PHF21B: variants seen among roughly 807,000 people sequenced by gnomAD.
The protein encoded by PHF21B is PHD finger protein 21B.
Under a neutral mutation model 62.2 loss-of-function variants are expected in PHF21B, and 22 were observed. The observed-to-expected ratio is 0.35, with a 90% CI of 0.25 to 0.51. The LOEUF is 0.51. Among genes scored for constraint, PHF21B ranks in the 20% least tolerant of loss-of-function variants. PHF21B has a pLI of 0.97. For synonymous variants in PHF21B, 341 were observed against 314.7 expected, an observed-to-expected ratio of 1.08 and a Z score of -0.88; for missense variants, 701 against 707.9, an observed-to-expected ratio of 0.99 and a Z score of 0.11.
chr22:44,961,756 G>A (rs1275888466), intron 2 of PHF21B, among the ~76,000 whole-genome samples: 2 of 151,872 alleles, frequency 1.3e-5, no homozygotes, highest in South Asian at 2.1e-4. Flanking sequence ...CAGGAAAATC[G>A]CTTGAACCAG....
At chr22:44,974,668 T>A (rs1009747114) in intron 2 of PHF21B, among the ~76,000 whole-genome samples, 2 of 152,136 alleles carry the variant, frequency 1.3e-5, no homozygotes, top group African/African-American at 4.8e-5. Context: ...CTATACAGTG[T>A]GTGTCCAATC....
At chr22:44,897,379 T>A (rs2071079912) in intron 5 of PHF21B, among the ~76,000 whole-genome samples, 1 of 152,026 alleles carries the variant, frequency 6.6e-6, no homozygotes, top group Non-Finnish European at 1.5e-5. Flanking sequence ...TTAGGTAACA[T>A]CACAGAGCGA....
chr22:44,932,719 G>A (rs533056505), intron 2 of PHF21B, among the ~76,000 whole-genome samples: 14 of 152,370 alleles, frequency 9.2e-5, no homozygotes, highest in Middle Eastern at 3.4e-3. Flanking sequence ...ACGGAATGCC[G>A]ATGACGGCCC....
In PHF21B at chr22:44,982,057, C is replaced by T. The variant is rs941355136; in HGVS notation, c.120+26488G>A. 3.9e-5 allele frequency among the ~76,000 whole-genome samples: 6 copies of T among 152,192 alleles called. No individual in the cohort carries two copies. The East Asian group carries it at 5.8e-4, about 15-fold the overall frequency. On this transcript the variant is annotated intron_variant, in intron 2 of 12. Transcript: ENST00000313237. ...CCATCACCCACCAGCCCCGAGGGAA[C>T]GGGGGTGTGGCGGTGGAAACAGCGC...
chr22:44,929,132 G>A (rs2071691516), intron 2 of PHF21B, among the ~76,000 whole-genome samples: 1 of 152,244 alleles, frequency 6.6e-6, no homozygotes, highest in African/African-American at 2.4e-5. Context: ...GCTGTGATGT[G>A]TGGCAAAGAT....
intron 2 of PHF21B, among the ~76,000 whole-genome samples, chr22:44,962,964 C>G (rs1415800504): frequency 6.6e-6 from 1 of 152,244 alleles, no homozygotes; most frequent in East Asian, 1.9e-4. Context: ...CTCGTTCTAC[C>G]TTTGCATTAC....
chr22:44,960,415 C>A (rs540967364), intron 2 of PHF21B, among the ~76,000 whole-genome samples: 1 of 152,184 alleles, frequency 6.6e-6, no homozygotes. Context: ...TGTCCCTCAA[C>A]GACTATGGTC....
At chr22:44,986,881 G>T (rs367602385) in intron 2 of PHF21B, among the ~76,000 whole-genome samples, 1 of 151,344 alleles carries the variant, frequency 6.6e-6, no homozygotes, top group Admixed American at 6.6e-5. Flanking sequence ...GCAGGTACAG[G>T]TGGGGTCCTG....
rs1473369328 is a variant in PHF21B at position 44,920,369 on chromosome 22, ACCCCAGGGCCCG to A, written c.213+17_213+28del. 2 of 1,553,984 alleles carry A rather than the reference ACCCCAGGGCCCG, an allele frequency of 1.3e-6. No individual in the cohort carries two copies. Among genetic ancestry groups the A allele is most frequent in the Non-Finnish European group, 1.8e-6 (2 of 1,140,110 alleles). On this transcript the variant is annotated intron_variant, in intron 3 of 12. Transcript: ENST00000313237. ...AGACTGCGGGGACAGACAGACGGACACCCCAGGGCCCGCCCGAGGGCTGCTTACCTGAGGTAG... is the reference window on the plus strand; with the variant it reads ...AGACTGCGGGGACAGACAGACGGACACCCGAGGGCTGCTTACCTGAGGTAG...
At chr22:44,909,038 C>G (rs5766180) in intron 5 of PHF21B, among the ~76,000 whole-genome samples, 2 of 151,780 alleles carry the variant, frequency 1.3e-5, no homozygotes, top group Non-Finnish European at 1.5e-5. Context: ...CCTCAGATGA[C>G]CCGCCCACCT....
chr22:44,954,323 A>T (rs1242818492), intron 2 of PHF21B, among the ~76,000 whole-genome samples: 1 of 152,232 alleles, frequency 6.6e-6, no homozygotes, highest in African/African-American at 2.4e-5. Context: ...CCAGCGCAGG[A>T]CACGCAGGCT....
At chr22:45,008,228 G>C (rs1041258299) in intron 2 of PHF21B, 8 of 235,214 alleles carry the variant, frequency 3.4e-5, no homozygotes, top group African/African-American at 1.8e-4. Context: ...AGCGCAAAGC[G>C]GGGGACTCCG....
At chr22:44,915,885 G>A (rs1055799076) in intron 4 of PHF21B, among the ~76,000 whole-genome samples, 20 of 152,184 alleles carry the variant, frequency 1.3e-4, no homozygotes, top group Non-Finnish European at 1.6e-4. Flanking sequence ...GCCCTTGACC[G>A]TCCAACTCCA....
rs1223826047 is a variant in PHF21B, at chr22:45,009,201, C to A, written c.54+295G>T. ...TCCCCGGGACCGGCTCACGAAGGGG[C>A]CCCCTCCAGGCACCCTCCCAGTCAT... On this transcript the variant is annotated intron_variant, in intron 1 of 12. Transcript: ENST00000313237. The surrounding 1 kb of genome is among the most constrained non-coding windows in gnomAD (Gnocchi z 5.9). 4.8e-6 allele frequency: 2 copies of A among 418,012 alleles called. No individual in the cohort carries two copies. Among genetic ancestry groups the A allele is most frequent in the African/African-American group, 2.1e-5 (1 of 48,084 alleles). The allele number at this position is 418,012 out of a possible 1,614,324, so 25.9% of individuals were successfully genotyped here.
rs142573733 is a variant in PHF21B at position 44,885,358 on chromosome 22, A to C, written c.1377+68T>G. The C allele has an allele frequency of 6.3e-6, 9 of 1,423,716 alleles. No homozygotes were observed. In the East Asian group the frequency reaches 1.8e-4, roughly 28 times the overall value. The allele number at this position is 1,423,716 out of a possible 1,614,324, so 88.2% of individuals were successfully genotyped here. A position where few individuals can be genotyped will look rare whatever the true frequency, so the allele number is the denominator to read the frequency against. On this transcript the variant is annotated intron_variant, in intron 12 of 12. Coordinates refer to ENST00000313237, the MANE Select transcript of PHF21B (RefSeq NM_138415.5). ...CACCTGTGGTTCTAAGGACACATCT[A>C]TCTGTCCCCTAGACCCGGGGCACAC... is the stretch of plus-strand genomic sequence containing the variant.
intron 2 of PHF21B, among the ~76,000 whole-genome samples, chr22:44,922,574 G>C (rs778665683): frequency 6.6e-6 from 1 of 151,856 alleles, no homozygotes; most frequent in African/African-American, 2.4e-5. Flanking sequence ...GGAGGTTGCA[G>C]TGAGCCGAGA....
At chr22:44,960,082 T>C (rs1388569236) in intron 2 of PHF21B, among the ~76,000 whole-genome samples, 1 of 152,160 alleles carries the variant, frequency 6.6e-6, no homozygotes, top group African/African-American at 2.4e-5. Context: ...CATTCCTCAC[T>C]GCACACGAAA....
Position 44,888,686 on chromosome 22 carries a change from G to A in PHF21B, c.1039-565C>T, listed in dbSNP as rs184828067. On this transcript the variant is annotated intron_variant, in intron 9 of 12. Coordinates refer to ENST00000313237, the MANE Select transcript of PHF21B (RefSeq NM_138415.5). ...CTTCAGAGTTGGAAAAGACCAGAGA[G>A]CTCTCCTCTGGGATGGCCCGTGCCA... 1.7e-4 allele frequency among the ~76,000 whole-genome samples: 26 copies of A among 152,350 alleles called. No homozygotes were observed. The East Asian group carries it at 4.4e-3, about 26-fold the overall frequency.
At chr22:44,965,434 C>T (rs1406552818) in intron 2 of PHF21B, among the ~76,000 whole-genome samples, 1 of 151,952 alleles carries the variant, frequency 6.6e-6, no homozygotes, top group Non-Finnish European at 1.5e-5. Flanking sequence ...GTCACCCTGC[C>T]CCACCCTCCC....
Sources: allele counts gnomAD v4.1 joint callset (sites outside exome capture counted in the v4.1 genomes callset), GRCh38; gene constraint gnomAD v4.1.1; non-coding constraint Gnocchi (gnomAD v3.1); transcripts MANE v1.5; gene names NCBI Gene and HGNC (gene_info 2026-07-23, HGNC 2026-07-21).